Variants in TFDP2 observed in about 807,000 individuals in gnomAD.
The protein encoded by TFDP2 is transcription factor Dp-2.
In TFDP2, 17 loss-of-function variants were observed where a neutral mutation model predicts 59.3. The ratio of observed to expected loss-of-function variants is 0.29; its 90% CI spans 0.20 to 0.43. The LOEUF (loss-of-function observed/expected upper bound fraction) is 0.43. Among genes scored for constraint, TFDP2 ranks in the 20% least tolerant of loss-of-function variants. TFDP2 has a pLI of 1.00. For synonymous variants in TFDP2, 180 were observed against 194.7 expected (o/e 0.92, Z 0.63); for missense variants, 391 against 528.8 (o/e 0.74, Z 2.56).
intron 3 of TFDP2, among the ~76,000 whole-genome samples, chr3:142,050,277 T>TAA (rs1217342788): frequency 7.8e-6 from 1 of 128,888 alleles, no homozygotes; most frequent in Non-Finnish European, 1.7e-5. Context: ...AAAAAAAAAA[T>TAA]AATAAAAAAA....
intron 3 of TFDP2, among the ~76,000 whole-genome samples, chr3:142,067,748 A>G (rs1156461586): frequency 1.3e-5 from 2 of 152,160 alleles, no homozygotes; most frequent in African/African-American, 4.8e-5. Flanking sequence ...CATGCCTGTA[A>G]TCTCAGCACT....
At chr3:141,954,650 A>T (rs1194379103) in intron 11 of TFDP2, among the ~76,000 whole-genome samples, 1 of 152,070 alleles carries the variant, frequency 6.6e-6, no homozygotes, top group African/African-American at 2.4e-5. Context: ...AAACAAAAAA[A>T]CAAAAAAGTT....
chr3:142,094,529 T>C (rs1400856178), intron 2 of TFDP2, among the ~76,000 whole-genome samples: 1 of 152,104 alleles, frequency 6.6e-6, no homozygotes, highest in African/African-American at 2.4e-5. Flanking sequence ...GGTCTCGAAC[T>C]CCTGACCTCA....
At chr3:141,997,808 C>T (rs1237758859) in intron 4 of TFDP2, among the ~76,000 whole-genome samples, 1 of 138,338 alleles carries the variant, frequency 7.2e-6, no homozygotes, top group Admixed American at 8.0e-5. Context: ...AGAGATCATG[C>T]CACTGCACTC....
At chr3:141,958,063 C>T (rs887354620) in intron 11 of TFDP2, among the ~76,000 whole-genome samples, 32 of 151,940 alleles carry the variant, frequency 2.1e-4, no homozygotes, top group African/African-American at 5.3e-4. Context: ...TGCTGGGGAA[C>T]GTGTAATTTG....
intron 3 of TFDP2, among the ~76,000 whole-genome samples, chr3:142,056,381 A>C (rs948965268): frequency 6.6e-6 from 1 of 152,094 alleles, no homozygotes; most frequent in Non-Finnish European, 1.5e-5. Flanking sequence ...ACTGGCAACT[A>C]AATAGACAAT....
Position 142,149,500 on chromosome 3 carries a change from C to A in TFDP2, c.-410G>T. 1 of 347,118 alleles carries A rather than the reference C, an allele frequency of 2.9e-6. No individual in the cohort carries two copies. Among genetic ancestry groups the A allele is most frequent in the Admixed American group, 4.8e-5 (1 of 21,022 alleles). The allele number at this position is 347,118 out of a possible 1,614,324, so 21.5% of individuals were successfully genotyped here. On this transcript the variant is annotated 5_prime_UTR_variant, in exon 1 of 13. Transcript: ENST00000489671. ...GCCCTCTCCCTGCCCAGCTACAGCC[C>A]CGCTTCCCCCGCGCGAGCTTTGGCG...
In TFDP2 at chr3:141,969,041, G is replaced by GAT. The variant is rs1389480740; in HGVS notation, c.732+1030_732+1031dup. ...ATATATAACATATATCTCATATATA[G>GAT]ATATATATATAACATATATATCTCA... On this transcript the variant is annotated intron_variant, in intron 9 of 12. Transcript: ENST00000489671. 1.8e-4 allele frequency among the ~76,000 whole-genome samples: 13 copies of GAT among 72,230 alleles called. 1 individual carries two copies. The highest frequency in any genetic ancestry group is 1.8e-3 in the East Asian group (5 of 2,792). 47.4% of individuals were successfully genotyped at this position (72,230 alleles called of 152,430 possible).
chr3:142,059,677 T>C, intron 3 of TFDP2, among the ~76,000 whole-genome samples: 1 of 152,150 alleles, frequency 6.6e-6, no homozygotes, highest in Admixed American at 6.5e-5. Flanking sequence ...CCTCCCAGGT[T>C]CCAGCGATTC....
In TFDP2 at chr3:141,993,584, C is replaced by A; in HGVS notation, c.310G>T (p.Asp104Tyr). 6.4e-7 allele frequency: 1 copy of A among 1,551,852 alleles called. No homozygotes were observed. Among genetic ancestry groups the A allele is most frequent in the South Asian group, 1.2e-5 (1 of 86,090 alleles). Reference protein sequence around the residue: ...IAEATGWVPGDRKRARKFIDS... With the variant: ...IAEATGWVPGYRKRARKFIDS... Reference sequence around the variant, plus strand: ...ATAAATTTTCTAGCCCGTTTTCTATCACTAAAAAGGAAAAAAGATAGCATA... The same window carrying A: ...ATAAATTTTCTAGCCCGTTTTCTATAACTAAAAAGGAAAAAAGATAGCATA... Residue 104 changes from aspartate (D) to tyrosine (Y), a missense_variant and splice_region_variant, in exon 6 of 13, where the codon GAT (aspartate) becomes TAT (tyrosine). Transcript: ENST00000489671.
At chr3:142,020,666 A>C (rs1464306421) in intron 3 of TFDP2, among the ~76,000 whole-genome samples, 1 of 148,284 alleles carries the variant, frequency 6.7e-6, no homozygotes, top group African/African-American at 2.5e-5. Flanking sequence ...ATATACTCAT[A>C]TACCTTTTTC....
Position 142,005,527 on chromosome 3 carries a change from C to T in TFDP2, c.100G>A (p.Ala34Thr). 6.3e-7 allele frequency: 1 copy of T among 1,597,796 alleles called. No individual in the cohort carries two copies. The highest frequency in any genetic ancestry group is 1.3e-5 in the African/African-American group (1 of 74,838). ...SPTKGNISFV[A>T]FPVSNTNSPT... is the part of the protein sequence containing the mutation. ...GAGTTGGTATTGGAAACTGGAAATG[C>T]AACAAATGAAATGTTGCCTGAAATG... is the stretch of plus-strand genomic sequence containing the variant. Residue 34 changes from alanine to threonine, a missense_variant, in exon 4 of 13, where the codon GCA (alanine) becomes ACA (threonine). Coordinates refer to ENST00000489671, the MANE Select transcript of TFDP2 (RefSeq NM_001178139.2).
intron 6 of TFDP2, among the ~76,000 whole-genome samples, chr3:141,992,667 G>T (rs1161238786): frequency 6.6e-6 from 1 of 152,138 alleles, no homozygotes; most frequent in South Asian, 2.1e-4. Flanking sequence ...AAAACGATTA[G>T]CACCAAGAAG....
At chr3:142,053,758 C>T (rs2059647542) in intron 3 of TFDP2, among the ~76,000 whole-genome samples, 1 of 152,158 alleles carries the variant, frequency 6.6e-6, no homozygotes, top group Non-Finnish European at 1.5e-5. Context: ...GCAAAATACA[C>T]ATGTGATAAA....
intron 11 of TFDP2, among the ~76,000 whole-genome samples, chr3:141,956,248 A>G (rs1253570047): frequency 2.0e-5 from 3 of 152,228 alleles, no homozygotes; most frequent in African/African-American, 7.2e-5. Flanking sequence ...TACTCAGTAT[A>G]ACTTTACAAC....
At chr3:141,986,595 AAT>A (rs1942126882) in intron 6 of TFDP2, among the ~76,000 whole-genome samples, 1 of 152,184 alleles carries the variant, frequency 6.6e-6, no homozygotes, top group South Asian at 2.1e-4. Flanking sequence ...GTTGAAGGCT[AAT>A]AGTGTTTCTA....
In TFDP2 at chr3:141,960,748, T is replaced by TA. The variant is rs991442394; in HGVS notation, c.885-909dup. 3.8e-3 allele frequency among the ~76,000 whole-genome samples: 561 copies of TA among 148,286 alleles called. 4 individuals carry two copies. Among genetic ancestry groups the TA allele is most frequent in the African/African-American group, 0.012 (500 of 40,670 alleles). On this transcript the variant is annotated intron_variant, in intron 10 of 12. Coordinates refer to ENST00000489671, the MANE Select transcript of TFDP2 (RefSeq NM_001178139.2). ...ATTTGATTAAAGTACAATAACAACT[T>TA]AAAAAAAAAAATCTGAAGTGGGTGC...
chr3:142,134,328 AAC>A (rs1390996107), intron 1 of TFDP2, among the ~76,000 whole-genome samples: 2 of 149,636 alleles, frequency 1.3e-5, no homozygotes, highest in Non-Finnish European at 3.0e-5. Context: ...CAGCCTGGGC[AAC>A]AGAGCGAGAC....
Position 141,952,384 on chromosome 3 carries a change from T to C in TFDP2, c.*129A>G. The C allele has an allele frequency of 1.2e-6, 1 of 830,442 alleles. No individual in the cohort carries two copies. Among genetic ancestry groups the C allele is most frequent in the Non-Finnish European group, 1.8e-6 (1 of 560,958 alleles). The allele number at this position is 830,442 out of a possible 1,614,324, so 51.4% of individuals were successfully genotyped here. ...GCCTTCATGTGATTTGCTTATTGTG[T>C]TTCTCTAGTTTTCACTGAACACACA... is the stretch of plus-strand genomic sequence containing the variant. On this transcript the variant is annotated 3_prime_UTR_variant, in exon 13 of 13. Coordinates refer to ENST00000489671, the MANE Select transcript of TFDP2 (RefSeq NM_001178139.2).
Sources: gnomAD v4.1 joint callset for allele counts (sites outside exome capture counted in the v4.1 genomes callset) on GRCh38, gnomAD v4.1.1 for gene constraint, MANE v1.5 for transcripts, NCBI Gene and HGNC (gene_info 2026-07-23, HGNC 2026-07-21) for gene names.